The following SRGAP3 variants were observed in gnomAD, a reference collection of about 807,000 sequenced individuals.
SRGAP3 encodes the protein SLIT-ROBO Rho GTPase activating protein 3.
A neutral mutation model predicts 121.1 loss-of-function variants in SRGAP3; 39 were observed. That is an observed-to-expected ratio of 0.32 (90% CI 0.25 to 0.42). SRGAP3 has a LOEUF of 0.42. Among genes scored for constraint, SRGAP3 ranks in the 10% least tolerant of loss-of-function variants. The probability of loss-of-function intolerance (pLI) is 1.00; values close to 1 mark genes in which losing one functional copy is unlikely to be tolerated. For synonymous variants in SRGAP3, 601 were observed against 570.0 expected (o/e 1.05, Z -0.77); for missense variants, 1,213 against 1,470.6 (o/e 0.82, Z 2.86).
intron 14 of SRGAP3, among the ~76,000 whole-genome samples, chr3:9,020,620 A>G (rs1446964759): frequency 1.3e-5 from 2 of 152,080 alleles, no homozygotes; most frequent in Admixed American, 1.3e-4. Flanking sequence ...ACACATACAC[A>G]CGCCATTAGT....
intron 1 of SRGAP3, among the ~76,000 whole-genome samples, chr3:9,331,261 G>A (rs1450261821): frequency 1.3e-5 from 2 of 152,200 alleles, no homozygotes; most frequent in African/African-American, 2.4e-5. Flanking sequence ...GCCAGGAACT[G>A]CAAAGCACTT....
chr3:9,239,630 G>C lies in SRGAP3; in HGVS notation c.67+9255C>G, dbSNP rs529642265. 3.3e-5 allele frequency among the ~76,000 whole-genome samples: 5 copies of C among 152,110 alleles called. No homozygotes were observed. Among genetic ancestry groups the C allele is most frequent in the Non-Finnish European group, 4.4e-5 (3 of 68,030 alleles). On this transcript the variant is annotated intron_variant, in intron 1 of 21. Transcript: ENST00000383836. The surrounding 1 kb of genome is among the most constrained non-coding windows in gnomAD (Gnocchi z 4.0). Reference sequence around the variant, plus strand: ...GCAGTGTGCACCCCATTACCATCACGCACAGATGGGCACACGCAATGCATA... The same window carrying C: ...GCAGTGTGCACCCCATTACCATCACCCACAGATGGGCACACGCAATGCATA...
At chr3:9,345,525 G>A (rs1220261823) in intron 1 of SRGAP3, among the ~76,000 whole-genome samples, 1 of 150,544 alleles carries the variant, frequency 6.6e-6, no homozygotes, top group African/African-American at 2.4e-5. Flanking sequence ...GCTAACGCTT[G>A]TAATCCTAGC....
intron 1 of SRGAP3, among the ~76,000 whole-genome samples, chr3:9,166,930 C>T (rs997751464): frequency 1.1e-4 from 16 of 152,304 alleles, no homozygotes; most frequent in African/African-American, 3.4e-4. Flanking sequence ...TTGTCAACTC[C>T]CAGGAACTGC....
chr3:9,250,275 T>C (rs1574941146), upstream of SRGAP3, among the ~76,000 whole-genome samples: 2 of 152,332 alleles, frequency 1.3e-5, no homozygotes, highest in South Asian at 2.1e-4. Context: ...AGCACCGTTC[T>C]GGGTACAGGG....
intron 1 of SRGAP3, among the ~76,000 whole-genome samples, chr3:9,155,755 GTTC>G (rs1219334607): frequency 6.6e-6 from 1 of 152,092 alleles, no homozygotes. Flanking sequence ...TATATCCGGT[GTTC>G]TTGTTTGGTT....
intron 2 of SRGAP3, among the ~76,000 whole-genome samples, chr3:9,110,467 C>T (rs563879121): frequency 2.6e-5 from 4 of 152,232 alleles, no homozygotes; most frequent in African/African-American, 9.6e-5. Context: ...AATGCTGTGG[C>T]CACATGGCAG....
intron 1 of SRGAP3, among the ~76,000 whole-genome samples, chr3:9,188,970 G>A (rs763683289): frequency 1.3e-5 from 2 of 152,226 alleles, no homozygotes; most frequent in Non-Finnish European, 2.9e-5. Flanking sequence ...ATTCATTGAA[G>A]GATGGTAGAA....
chr3:9,107,217 A>T (rs1948448949), intron 2 of SRGAP3, among the ~76,000 whole-genome samples: 1 of 152,210 alleles, frequency 6.6e-6, no homozygotes, highest in African/African-American at 2.4e-5. Flanking sequence ...CTCAGCATCT[A>T]CTGTGTCAGG....
chr3:9,205,492 A>C (rs1456496683), intron 1 of SRGAP3, among the ~76,000 whole-genome samples: 1 of 152,202 alleles, frequency 6.6e-6, no homozygotes, highest in Non-Finnish European at 1.5e-5. Context: ...TTGGTCTTTA[A>C]AACAAGCCTC....
In SRGAP3 at chr3:9,064,500, T is replaced by G; in HGVS notation, c.568A>C (p.Lys190Gln). Residue 190 changes from lysine (K) to glutamine (Q), a missense_variant, in exon 5 of 22, where the codon AAG becomes CAG. Physicochemically the swap from Lys to Gln is moderately conservative, Grantham distance 53. This residue lies in a region of SRGAP3 where 793 missense variants were observed against 1,032.9 expected (regional missense o/e 0.77). Transcript: ENST00000383836. ...KLKEAEKQEE[K>Q]QFNKSGDLSM... is the part of the protein sequence containing the mutation. The stretch of plus-strand genomic sequence containing the variant: ...AGGTCTCCTGACTTATTGAACTGCT[T>G]CTCCTCCTGCTTCTCAGCCTCCTTC... The G allele has an allele frequency of 6.2e-7, 1 of 1,614,150 alleles. No individual in the cohort carries two copies. The highest frequency in any genetic ancestry group is 8.5e-7 in the Non-Finnish European group (1 of 1,180,036).
chr3:9,178,259 C>A (rs1368530904), intron 1 of SRGAP3, among the ~76,000 whole-genome samples: 2 of 151,910 alleles, frequency 1.3e-5, no homozygotes, highest in Non-Finnish European at 2.9e-5. Flanking sequence ...CGAGCCAGAC[C>A]CTGTCTCAAA....
At chr3:9,076,495 T>C (rs1946982858) in intron 4 of SRGAP3, among the ~76,000 whole-genome samples, 1 of 152,120 alleles carries the variant, frequency 6.6e-6, no homozygotes, top group African/African-American at 2.4e-5. Context: ...AGCTCGTAAG[T>C]GGTGCAGCAG....
At chr3:9,182,175 C>CAAAAAAAAAAAAAAAAAAAAAAAAAAAAA (rs34305216) in intron 1 of SRGAP3, among the ~76,000 whole-genome samples, 1 of 37,282 alleles carries the variant, frequency 2.7e-5, no homozygotes, top group Admixed American at 3.9e-4. Context: ...GACTCTGTCT[C>CAAAAAAAAAAAAAAAAAAAAAAAAAAAAA]AAAAAAAAAA....
rs1419788728 is a variant in SRGAP3 at position 8,983,784 on chromosome 3, G to C, written c.*1735C>G. ...TTGACCTTTATTACCCTATTTTATGGAGCAGAACAGTCAGGCTCAATGAGG... is the reference window on the plus strand; with the variant it reads ...TTGACCTTTATTACCCTATTTTATGCAGCAGAACAGTCAGGCTCAATGAGG... On this transcript the variant is annotated 3_prime_UTR_variant, in exon 22 of 22. Coordinates refer to ENST00000383836, the MANE Select transcript of SRGAP3 (RefSeq NM_014850.4). 8.7e-6 allele frequency: 2 copies of C among 230,072 alleles called. No homozygotes were observed. Among genetic ancestry groups the C allele is most frequent in the African/African-American group, 2.2e-5 (1 of 45,142 alleles). 14.3% of individuals were successfully genotyped at this position (230,072 alleles called of 1,614,324 possible). A position where few individuals can be genotyped will look rare whatever the true frequency, so the allele number is the denominator to read the frequency against.
At chr3:9,300,806 T>C (rs1270329828) in intron 3 of SRGAP3, among the ~76,000 whole-genome samples, 2 of 152,108 alleles carry the variant, frequency 1.3e-5, no homozygotes, top group African/African-American at 2.4e-5. Context: ...TGGACAAATA[T>C]TGTGCTCAGC....
intron 8 of SRGAP3, 54 bp downstream of exon 8, chr3:9,056,179 G>A (rs1470346320): frequency 1.0e-5 from 16 of 1,575,140 alleles, no homozygotes; most frequent in Non-Finnish European, 1.4e-5. Context: ...GACTCCCTGG[G>A]ACAAGCCAGG....
intron 3 of SRGAP3, among the ~76,000 whole-genome samples, chr3:9,265,362 A>G (rs1287114592): frequency 2.0e-5 from 3 of 152,244 alleles, no homozygotes; most frequent in Non-Finnish European, 4.4e-5. Context: ...ACAAAAGCCA[A>G]AATTGACAAA....
intron 3 of SRGAP3, chr3:9,293,246 G>A (rs540885071): frequency 6.6e-6 from 1 of 152,282 alleles, no homozygotes; most frequent in South Asian, 2.1e-4. Context: ...GGTTGGTAAA[G>A]AGACCTGAAA....
Sources: allele counts gnomAD v4.1 joint callset (sites outside exome capture counted in the v4.1 genomes callset), GRCh38; gene constraint gnomAD v4.1.1; regional missense constraint gnomAD v4.1.1; non-coding constraint Gnocchi (gnomAD v3.1); transcripts MANE v1.5; gene names NCBI Gene and HGNC (gene_info 2026-07-23, HGNC 2026-07-21).